NME9: variants seen among roughly 807,000 people sequenced by gnomAD.
The protein encoded by NME9 is NME/NM23 family member 9, also known as thioredoxin domain-containing protein 6.
In NME9, 48 loss-of-function variants were observed where a neutral mutation model predicts 44.4. That is an observed-to-expected ratio of 1.08 (90% CI 0.86 to 1.37). The LOEUF is 1.37. Among genes scored for constraint, NME9 ranks in the 40% most tolerant of loss-of-function variants. NME9 has a pLI of 0.00. For synonymous variants in NME9, 139 were observed against 147.1 expected, an observed-to-expected ratio of 0.94 and a Z score of 0.40; for missense variants, 325 against 405.2, an observed-to-expected ratio of 0.80 and a Z score of 1.70.
chr3:138,318,340 G>A (rs1424483479), intron 3 of NME9, 121 bp from the exon 4 acceptor site: 9 of 709,498 alleles, frequency 1.3e-5, no homozygotes, highest in Admixed American at 2.1e-5. Flanking sequence ...GTAGAGCCCC[G>A]ATTTGCTCTC....
chr3:138,326,369 A>G (rs74435986), intron 1 of NME9, among the ~76,000 whole-genome samples: 5,484 of 152,290 alleles, frequency 0.036, 318 homozygotes, highest in African/African-American at 0.13. Context: ...TGTAATTAAC[A>G]TATTTTTGTG....
At chr3:138,294,443 A>T (rs2051276593) in intron 8 of NME9, among the ~76,000 whole-genome samples, 1 of 152,194 alleles carries the variant, frequency 6.6e-6, no homozygotes, top group South Asian at 2.1e-4. Flanking sequence ...GTCCTTGTAG[A>T]ACCCTACTTG....
At chr3:138,280,794 C>G (rs978490578) in intron 8 of NME9, among the ~76,000 whole-genome samples, 1 of 151,594 alleles carries the variant, frequency 6.6e-6, no homozygotes, top group Admixed American at 6.6e-5. Flanking sequence ...GCCTGGCCAA[C>G]TTTTTGTATT....
At chr3:138,295,799 G>A in intron 8 of NME9, 1 of 1,581,364 alleles carries the variant, frequency 6.3e-7, no homozygotes, top group South Asian at 1.1e-5. Context: ...TTGAACCATA[G>A]GGTTTTTTAC....
intron 8 of NME9, among the ~76,000 whole-genome samples, chr3:138,274,245 G>A (rs1047152576): frequency 1.3e-5 from 2 of 152,018 alleles, no homozygotes; most frequent in African/African-American, 4.8e-5. Context: ...GTGTGTGTGT[G>A]TGTGTGTGTG....
chr3:138,277,753 G>A (rs1203705365), intron 8 of NME9, among the ~76,000 whole-genome samples: 1 of 152,086 alleles, frequency 6.6e-6, no homozygotes, highest in East Asian at 1.9e-4. Context: ...GTACATATAC[G>A]TGCCATACGA....
chr3:138,329,263 C>T, intron 1 of NME9, 40 bp downstream of exon 1: 1 of 1,518,308 alleles, frequency 6.6e-7, no homozygotes, highest in Non-Finnish European at 8.8e-7. Flanking sequence ...CTTCCCCGAG[C>T]CCAACCCAGA....
intron 4 of NME9, 123 bp downstream of exon 4, chr3:138,318,023 CTG>C: frequency 1.5e-6 from 1 of 687,770 alleles, no homozygotes; most frequent in South Asian, 1.6e-5. Flanking sequence ...TTGTTTGAAT[CTG>C]TGAGGCCTCT....
At chr3:138,276,477 A>G (rs1403751657) in intron 8 of NME9, among the ~76,000 whole-genome samples, 1 of 152,210 alleles carries the variant, frequency 6.6e-6, no homozygotes, top group Non-Finnish European at 1.5e-5. Flanking sequence ...ACAAGAAGGC[A>G]AGAAAAAGAA....
chr3:138,318,114 C>T (rs199515925), intron 4 of NME9, 34 bp downstream of exon 4: 6 of 1,302,328 alleles, frequency 4.6e-6, no homozygotes, highest in African/African-American at 1.4e-5. Context: ...GATTTGCAAT[C>T]GTCAAATAGT....
chr3:138,282,419 G>A (rs1369673626), intron 8 of NME9, among the ~76,000 whole-genome samples: 1 of 152,038 alleles, frequency 6.6e-6, no homozygotes, highest in Admixed American at 6.6e-5. Context: ...AGGCCAGGGC[G>A]GGTGGATCAT....
chr3:138,263,961 T>A (rs2048004875), intron 8 of NME9: 2 of 974,346 alleles, frequency 2.1e-6, no homozygotes, highest in Non-Finnish European at 3.2e-6. Context: ...TATATAACAT[T>A]GTCTAACAGA....
At chr3:138,263,553 T>C in intron 8 of NME9, 2 of 610,898 alleles carry the variant, frequency 3.3e-6, no homozygotes, top group South Asian at 3.8e-5. Context: ...GGCAGGTCCT[T>C]AGTGGGCTAG....
downstream of NME9, among the ~76,000 whole-genome samples, chr3:138,299,315 A>G (rs2051721374): frequency 1.3e-5 from 2 of 152,164 alleles, no homozygotes; most frequent in Non-Finnish European, 2.9e-5. Context: ...ATCTGCCCTC[A>G]GGCTGAGTGG....
chr3:138,315,227 C>T (rs1245935231), intron 5 of NME9, among the ~76,000 whole-genome samples: 1 of 152,190 alleles, frequency 6.6e-6, no homozygotes, highest in Non-Finnish European at 1.5e-5. Flanking sequence ...CTCCTACCCA[C>T]CACTCCATTC....
Position 138,271,798 on chromosome 3 carries a change from C to CTTTCTTTTTTTTTTTTTTTTTTTTT in NME9, c.746-9213_746-9212insAAAAAAAAAAAAAAAAAAAAAGAAA, listed in dbSNP as rs1018824241. Among the ~76,000 whole-genome samples the CTTTCTTTTTTTTTTTTTTTTTTTTT allele has an allele frequency of 1.5e-4, 20 of 136,126 alleles. 1 individual carries two copies. Among genetic ancestry groups the CTTTCTTTTTTTTTTTTTTTTTTTTT allele is most frequent in the African/African-American group, 5.4e-4 (19 of 35,234 alleles). The allele number at this position is 136,126 out of a possible 152,430, so 89.3% of individuals were successfully genotyped here. ...AGTTCACAAGATTTTTTTTTTCTTT[C>CTTTCTTTTTTTTTTTTTTTTTTTTT]TTTTTTTTTTTTTTTGATACAGAGT... On this transcript the variant is annotated intron_variant, in intron 8 of 8. Transcript: ENST00000317876.
At chr3:138,280,427 C>T (rs766011909) in intron 8 of NME9, among the ~76,000 whole-genome samples, 30 of 151,662 alleles carry the variant, frequency 2.0e-4, no homozygotes, top group East Asian at 3.9e-4. Flanking sequence ...AGTCTATTCT[C>T]GTGCCTCAGC....
intron 4 of NME9, among the ~76,000 whole-genome samples, chr3:138,317,697 C>T (rs1436452949): frequency 6.6e-6 from 1 of 152,170 alleles, no homozygotes; most frequent in Non-Finnish European, 1.5e-5. Context: ...CTAAAAATTC[C>T]CCTTTACGGA....
chr3:138,315,491 G>A, intron 5 of NME9, 36 bp downstream of exon 5: 1 of 1,416,902 alleles, frequency 7.1e-7, no homozygotes, highest in Non-Finnish European at 9.6e-7. Context: ...TAGCGCACTT[G>A]TGAGTTAGCT....
Sources: allele counts gnomAD v4.1 joint callset (sites outside exome capture counted in the v4.1 genomes callset), GRCh38; gene constraint gnomAD v4.1.1; transcripts MANE v1.5; gene names NCBI Gene and HGNC (gene_info 2026-07-23, HGNC 2026-07-21).